PPP4R3A: variants seen among roughly 807,000 people sequenced by gnomAD.
PPP4R3A encodes the protein protein phosphatase 4 regulatory subunit 3A.
In PPP4R3A, 15 loss-of-function variants were observed where a neutral mutation model predicts 91.7. The ratio of observed to expected loss-of-function variants is 0.16; its 90% CI spans 0.11 to 0.25. PPP4R3A has a LOEUF of 0.25. PPP4R3A is among the 10% of genes least tolerant of loss of function. The probability of loss-of-function intolerance (pLI) is 1.00; values close to 1 mark genes in which losing one functional copy is unlikely to be tolerated. For synonymous variants in PPP4R3A, 377 were observed against 348.7 expected, an observed-to-expected ratio of 1.08 and a Z score of -0.91; for missense variants, 623 against 998.4, an observed-to-expected ratio of 0.62 and a Z score of 5.07.
At position 91,457,820 on chromosome 14, in the gene PPP4R3A, T is replaced by G. The variant is rs1408740631; in HGVS notation, c.*939A>C. On this transcript the variant is annotated 3_prime_UTR_variant, in exon 15 of 15. Transcript: ENST00000554943. ...TTCCCTGAATTCTCAAGACAGTTGCTGATGTAAATTTTAATATAAAATATT... is the reference window on the plus strand; with the variant it reads ...TTCCCTGAATTCTCAAGACAGTTGCGGATGTAAATTTTAATATAAAATATT... 1.3e-5 allele frequency: 2 copies of G among 152,646 alleles called. No individual in the cohort carries two copies. Among genetic ancestry groups the G allele is most frequent in the Non-Finnish European group, 2.9e-5 (2 of 68,036 alleles). The allele number at this position is 152,646 out of a possible 1,614,324, so 9.5% of individuals were successfully genotyped here.
At chr14:91,467,471 T>C (rs1312302764) in intron 10 of PPP4R3A, among the ~76,000 whole-genome samples, 1 of 152,252 alleles carries the variant, frequency 6.6e-6, no homozygotes, top group Non-Finnish European at 1.5e-5. Flanking sequence ...CTGTACTTTA[T>C]AAAACGTGAA....
chr14:91,509,078 A>C (rs544136019), intron 1 of PPP4R3A, among the ~76,000 whole-genome samples: 1 of 152,360 alleles, frequency 6.6e-6, no homozygotes, highest in Admixed American at 6.5e-5. Context: ...AAAGTGTGAA[A>C]GGTCCAAGAA....
chr14:91,492,867 C>T (rs778933222), intron 1 of PPP4R3A, among the ~76,000 whole-genome samples: 10 of 152,162 alleles, frequency 6.6e-5, no homozygotes, highest in South Asian at 2.1e-4. Context: ...ATTCTCTTTA[C>T]GCTCAATTTT....
chr14:91,474,944 A>G (rs1272394411), intron 7 of PPP4R3A: 1 of 152,190 alleles, frequency 6.6e-6, no homozygotes, highest in Non-Finnish European at 1.5e-5. Flanking sequence ...TAGCAGTTAC[A>G]TGGCATTCCA....
chr14:91,500,146 T>G (rs924399242), intron 1 of PPP4R3A, among the ~76,000 whole-genome samples: 2 of 152,240 alleles, frequency 1.3e-5, no homozygotes, highest in Admixed American at 6.5e-5. Context: ...AGGGTTGCCA[T>G]TAGCATTAAC....
intron 1 of PPP4R3A, among the ~76,000 whole-genome samples, chr14:91,492,848 G>GC (rs1202309666): frequency 1.3e-5 from 2 of 152,116 alleles, no homozygotes; most frequent in African/African-American, 4.8e-5. Flanking sequence ...ATTTTCCAGT[G>GC]CCCCTTCAAT....
intron 10 of PPP4R3A, among the ~76,000 whole-genome samples, chr14:91,469,116 TAAAAAAAA>T (rs34445337): frequency 1.5e-5 from 2 of 133,158 alleles, no homozygotes; most frequent in African/African-American, 2.8e-5. Context: ...ATTTTTTCTG[TAAAAAAAA>T]AAAAAAAAAA....
intron 12 of PPP4R3A, 92 bp downstream of exon 12, chr14:91,462,642 TC>T: frequency 7.1e-7 from 1 of 1,411,440 alleles, no homozygotes; most frequent in Non-Finnish European, 9.9e-7. Context: ...ATTTCCCTGT[TC>T]CTTGTCAAGC....
chr14:91,466,689 T>C (rs986218456), intron 10 of PPP4R3A, among the ~76,000 whole-genome samples: 11 of 152,168 alleles, frequency 7.2e-5, no homozygotes, highest in African/African-American at 2.7e-4. Context: ...AAGAGGCATC[T>C]TTCTGTGTGA....
intron 4 of PPP4R3A, among the ~76,000 whole-genome samples, chr14:91,480,547 G>A (rs1191548781): frequency 6.6e-6 from 1 of 152,090 alleles, no homozygotes; most frequent in East Asian, 1.9e-4. Context: ...TTACAAATTC[G>A]TTTTAAATTT....
At chr14:91,482,251 A>G in intron 3 of PPP4R3A, 58 bp from the exon 4 acceptor site, 1 of 1,501,002 alleles carries the variant, frequency 6.7e-7, no homozygotes, top group East Asian at 2.3e-5. Flanking sequence ...GCAAACCTAA[A>G]TGCTACTCTA....
At chr14:91,462,652 G>A in intron 12 of PPP4R3A, 83 bp downstream of exon 12, 1 of 1,504,294 alleles carries the variant, frequency 6.6e-7, no homozygotes, top group Non-Finnish European at 9.2e-7. Flanking sequence ...TCCTTGTCAA[G>A]CCAAATAATA....
intron 14 of PPP4R3A, among the ~76,000 whole-genome samples, chr14:91,459,825 ACT>A (rs1190728911): frequency 2.7e-5 from 3 of 111,650 alleles, no homozygotes; most frequent in Non-Finnish European, 6.0e-5. Flanking sequence ...ACAGACTGAG[ACT>A]CTGTCAAAAA....
At chr14:91,464,189 C>T (rs1485227218) in intron 11 of PPP4R3A, among the ~76,000 whole-genome samples, 3 of 151,962 alleles carry the variant, frequency 2.0e-5, no homozygotes, top group Non-Finnish European at 4.4e-5. Flanking sequence ...GGTATGGTGG[C>T]GCATGTCTGT....
At chr14:91,496,790 T>C (rs568517162) in intron 1 of PPP4R3A, among the ~76,000 whole-genome samples, 1 of 152,276 alleles carries the variant, frequency 6.6e-6, no homozygotes, top group East Asian at 1.9e-4. Context: ...CACCGGAAAG[T>C]CTTTCAACTT....
At chr14:91,476,280 CTTT>C in intron 6 of PPP4R3A, 125 bp downstream of exon 6, 2 of 794,762 alleles carry the variant, frequency 2.5e-6, no homozygotes, top group East Asian at 2.7e-5. Context: ...TTTACAGCTT[CTTT>C]AACTTAATGA....
At chr14:91,494,214 G>A (rs1240991561) in intron 1 of PPP4R3A, among the ~76,000 whole-genome samples, 1 of 152,132 alleles carries the variant, frequency 6.6e-6, no homozygotes, top group Non-Finnish European at 1.5e-5. Flanking sequence ...TATTTCAGAA[G>A]ATGCAAGATC....
intron 1 of PPP4R3A, among the ~76,000 whole-genome samples, chr14:91,507,073 C>A (rs1031543968): frequency 2.6e-5 from 4 of 151,970 alleles, no homozygotes; most frequent in African/African-American, 7.3e-5. Context: ...AATCCTAGCA[C>A]TTTGGGAGGC....
At chr14:91,500,283 C>G (rs776707999) in intron 1 of PPP4R3A, among the ~76,000 whole-genome samples, 16 of 152,124 alleles carry the variant, frequency 1.1e-4, no homozygotes, top group African/African-American at 2.9e-4. Flanking sequence ...TCACTGCAAC[C>G]TCCACCTCCC....
Sources: allele counts gnomAD v4.1 joint callset (sites outside exome capture counted in the v4.1 genomes callset), GRCh38; gene constraint gnomAD v4.1.1; transcripts MANE v1.5; gene names NCBI Gene and HGNC (gene_info 2026-07-23, HGNC 2026-07-21).